CNTLN: variants seen among roughly 807,000 people sequenced by gnomAD.
CNTLN encodes centlein, centrosomal protein.
In CNTLN, 212 loss-of-function variants were observed where a neutral mutation model predicts 180.0. That is an observed-to-expected ratio of 1.18 (90% CI 1.05 to 1.32). CNTLN has a LOEUF of 1.32. CNTLN is among the 40% of genes most tolerant of loss of function. CNTLN has a pLI of 0.00. For missense variants in CNTLN, 2,095 were observed against 1,610.9 expected (o/e 1.30, Z -5.14); for synonymous variants, 722 against 563.1 (o/e 1.28, Z -3.99).
chr9:17,197,855 C>G (rs1342252932), intron 2 of CNTLN, among the ~76,000 whole-genome samples: 1 of 152,108 alleles, frequency 6.6e-6, no homozygotes, highest in East Asian at 1.9e-4. Flanking sequence ...CTTTTAGTAG[C>G]TTCATAGTTT....
At chr9:17,135,577 G>A in intron 1 of CNTLN, 152 bp downstream of exon 1, 1 of 1,102,362 alleles carries the variant, frequency 9.1e-7, no homozygotes, top group Non-Finnish European at 1.2e-6. Context: ...GCCGGGGGCT[G>A]GAGGGACGCG....
chr9:17,496,765 A>G (rs1272779111), intron 25 of CNTLN, among the ~76,000 whole-genome samples: 1 of 152,092 alleles, frequency 6.6e-6, no homozygotes, highest in South Asian at 2.1e-4. Context: ...TGGACTGTAG[A>G]CTCTTAAAGC....
At chr9:17,144,813 A>AAATGAAGATCTGTGGGCCT (rs1554641859) in intron 2 of CNTLN, among the ~76,000 whole-genome samples, 1 of 150,666 alleles carries the variant, frequency 6.6e-6, no homozygotes, top group Admixed American at 6.6e-5. Context: ...GAATTTATTT[A>AAATGAAGATCTGTGGGCCT]TTTATTTTAT....
chr9:17,245,483 G>A (rs144097415), intron 5 of CNTLN, among the ~76,000 whole-genome samples: 1,555 of 144,780 alleles, frequency 0.011, 33 homozygotes, highest in African/African-American at 0.038. Context: ...CTTTATCCTT[G>A]GACTTTGGGA....
rs796420647 is a variant in CNTLN, at chr9:17,158,378, A to G, written c.449+15002A>G. ...TTCTTGTAATGTCTTTGCTTTTTATATGAGGATAATAGCCTTGTAAAATGA... is the reference window on the plus strand; with the variant it reads ...TTCTTGTAATGTCTTTGCTTTTTATGTGAGGATAATAGCCTTGTAAAATGA... On this transcript the variant is annotated intron_variant, in intron 2 of 25. Transcript: ENST00000380647. Among the ~76,000 whole-genome samples the G allele has an allele frequency of 3.3e-4, 50 of 152,188 alleles. 1 individual carries two copies. The highest frequency in any genetic ancestry group is 1.2e-3 in the African/African-American group (49 of 41,548).
chr9:17,374,017 A>G (rs1255097176), intron 13 of CNTLN, among the ~76,000 whole-genome samples: 1 of 152,200 alleles, frequency 6.6e-6, no homozygotes, highest in African/African-American at 2.4e-5. Context: ...AACTACTAAA[A>G]GAAAACATTG....
chr9:17,247,870 C>T (rs1408504361), intron 5 of CNTLN, among the ~76,000 whole-genome samples: 3 of 130,526 alleles, frequency 2.3e-5, no homozygotes, highest in African/African-American at 8.9e-5. Flanking sequence ...CTCACTCTGT[C>T]AGCCAGGCTA....
At chr9:17,157,275 C>T (rs921385679) in intron 2 of CNTLN, among the ~76,000 whole-genome samples, 16 of 152,138 alleles carry the variant, frequency 1.1e-4, no homozygotes, top group East Asian at 3.9e-4. Context: ...ACAATCAATA[C>T]GTACCAAATA....
intron 2 of CNTLN, among the ~76,000 whole-genome samples, chr9:17,147,086 T>A (rs546873644): frequency 2.5e-4 from 38 of 152,336 alleles, no homozygotes; most frequent in Middle Eastern, 3.4e-3. Flanking sequence ...TTTTTGTATA[T>A]CTGTTTACCA....
rs112327806 is a variant in CNTLN, at chr9:17,202,594, G to T, written c.450-23609G>T. Among the ~76,000 whole-genome samples, 254 of 137,054 alleles carry T rather than the reference G, an allele frequency of 1.9e-3. 4 individuals are homozygous for T. Among genetic ancestry groups the T allele is most frequent in the African/African-American group, 6.8e-3 (246 of 36,188 alleles). 89.9% of individuals were successfully genotyped at this position (137,054 alleles called of 152,430 possible). A position where few individuals can be genotyped will look rare whatever the true frequency, so the allele number is the denominator to read the frequency against. Reference sequence around the variant, plus strand: ...TGTAATGCCCTTCTTTGTCTTTTTTGATCTTTGTTTGTTTAAAGTCTGTTT... The same window carrying T: ...TGTAATGCCCTTCTTTGTCTTTTTTTATCTTTGTTTGTTTAAAGTCTGTTT... On this transcript the variant is annotated intron_variant, in intron 2 of 25. Transcript: ENST00000380647.
chr9:17,323,595 AG>A (rs1450992432), intron 8 of CNTLN, among the ~76,000 whole-genome samples: 1 of 152,170 alleles, frequency 6.6e-6, no homozygotes, highest in Non-Finnish European at 1.5e-5. Context: ...ATGAGGGAGA[AG>A]CTAAAACACT....
At chr9:17,161,903 T>C (rs1035373226) in intron 2 of CNTLN, among the ~76,000 whole-genome samples, 1 of 152,168 alleles carries the variant, frequency 6.6e-6, no homozygotes, top group African/African-American at 2.4e-5. Flanking sequence ...TCCTTTTTTT[T>C]TCATTACATT....
the CNTLN span, among the ~76,000 whole-genome samples, chr9:17,527,841 C>G: frequency 2.0e-5 from 3 of 151,884 alleles, no homozygotes; most frequent in Non-Finnish European, 4.4e-5. Context: ...CAAAGAAAAA[C>G]AAAACACAAC....
At chr9:17,181,779 C>G (rs1254285335) in intron 2 of CNTLN, among the ~76,000 whole-genome samples, 1 of 152,168 alleles carries the variant, frequency 6.6e-6, no homozygotes, top group African/African-American at 2.4e-5. Context: ...ATATGATGCT[C>G]TTTTTTATTG....
intron 5 of CNTLN, among the ~76,000 whole-genome samples, chr9:17,251,513 C>G (rs1367412455): frequency 2.0e-5 from 3 of 151,778 alleles, no homozygotes; most frequent in Non-Finnish European, 4.4e-5. Context: ...GTGCTGAAAT[C>G]TGCTGCTGAA....
chr9:17,235,618 G>T (rs747496020), intron 3 of CNTLN, 40 bp from the exon 4 acceptor site: 1 of 1,433,784 alleles, frequency 7.0e-7, no homozygotes, highest in Non-Finnish European at 9.3e-7. Context: ...GTTTTTCTTA[G>T]AAATAAAAGC....
chr9:17,354,827 T>C (rs560813330), intron 12 of CNTLN, among the ~76,000 whole-genome samples: 1 of 152,150 alleles, frequency 6.6e-6, no homozygotes, highest in South Asian at 2.1e-4. Flanking sequence ...CTCTTTGCAA[T>C]AAATCTTGCT....
chr9:17,292,878 C>T (rs939939380), intron 6 of CNTLN, among the ~76,000 whole-genome samples: 1 of 152,086 alleles, frequency 6.6e-6, no homozygotes, highest in Non-Finnish European at 1.5e-5. Flanking sequence ...AGAAGAGGCA[C>T]TTTGGCTTTT....
Position 17,135,316 on chromosome 9 carries a change from T to TG in CNTLN, c.255dup (p.Ser86ValfsTer37). The TG allele has an allele frequency of 6.2e-7, 1 of 1,602,032 alleles. No homozygotes were observed. Among genetic ancestry groups the TG allele is most frequent in the South Asian group, 1.1e-5 (1 of 88,446 alleles). ...CATGCTCCCCTCCTCAGCGCGCCCA[T>TG]GGGGTCCAGACGGCTAGAGGGCATC... On this transcript the variant is annotated frameshift_variant, in exon 1 of 26. Coordinates refer to ENST00000380647, the MANE Select transcript of CNTLN (RefSeq NM_017738.4). LOFTEE classifies it high-confidence loss of function.
Sources: allele counts gnomAD v4.1 joint callset (sites outside exome capture counted in the v4.1 genomes callset), GRCh38; gene constraint gnomAD v4.1.1; transcripts MANE v1.5; gene names NCBI Gene and HGNC (gene_info 2026-07-23, HGNC 2026-07-21).